The following ABCA1 variants were observed in gnomAD, a reference collection of about 807,000 sequenced individuals.
ABCA1 encodes phospholipid-transporting ATPase ABCA1.
ABCA1 carries 133 observed loss-of-function variants against 262.5 expected under a neutral mutation model. That is an observed-to-expected ratio of 0.51 (90% CI 0.44 to 0.59). The LOEUF (loss-of-function observed/expected upper bound fraction) is 0.59, where lower values mean the gene tolerates loss of function less well. Among genes scored for constraint, ABCA1 ranks in the 20% least tolerant of loss-of-function variants. The probability of loss-of-function intolerance (pLI) is 0.00; values close to 1 mark genes in which losing one functional copy is unlikely to be tolerated. For synonymous variants in ABCA1, 1,022 were observed against 1,043.5 expected (o/e 0.98, Z 0.40); for missense variants, 2,452 against 2,777.5 (o/e 0.88, Z 2.63).
In ABCA1 at chr9:104,928,051, T is replaced by G. The variant is rs1430615648; in HGVS notation, c.-209A>C. Reference sequence around the variant, plus strand: ...GGAGCAAAGCGCCCTGAGAACCGGCTCTGTTGGTGCGCGGAGCTCCCCGCC... The same window carrying G: ...GGAGCAAAGCGCCCTGAGAACCGGCGCTGTTGGTGCGCGGAGCTCCCCGCC... On this transcript the variant is annotated 5_prime_UTR_variant, in exon 1 of 50. Coordinates refer to ENST00000374736, the MANE Select transcript of ABCA1 (RefSeq NM_005502.4). 6.6e-6 allele frequency: 1 copy of G among 152,044 alleles called. No homozygotes were observed. Among genetic ancestry groups the G allele is most frequent in the East Asian group, 1.9e-4 (1 of 5,170 alleles). The allele number at this position is 152,044 out of a possible 1,614,324, so 9.4% of individuals were successfully genotyped here.
At chr9:104,842,788 G>C (rs1834500045) in intron 8 of ABCA1, among the ~76,000 whole-genome samples, 1 of 152,086 alleles carries the variant, frequency 6.6e-6, no homozygotes, top group Admixed American at 6.5e-5. Flanking sequence ...AGTGTAAACA[G>C]TCTAAACTCT....
chr9:104,836,390 G>C (rs749411555), intron 11 of ABCA1, among the ~76,000 whole-genome samples: 1 of 152,218 alleles, frequency 6.6e-6, no homozygotes, highest in Admixed American at 6.5e-5. Flanking sequence ...GCAGGAAGAT[G>C]TGATTAACAG....
chr9:104,790,321 AG>A (rs1829318705), intron 44 of ABCA1, among the ~76,000 whole-genome samples: 1 of 152,214 alleles, frequency 6.6e-6, no homozygotes, highest in African/African-American at 2.4e-5. Flanking sequence ...AGATGTATAC[AG>A]GGACATATTT....
At chr9:104,918,390 A>C (rs2118523280) in intron 1 of ABCA1, among the ~76,000 whole-genome samples, 1 of 152,326 alleles carries the variant, frequency 6.6e-6, no homozygotes, top group Admixed American at 6.5e-5. Context: ...CTTATAATCC[A>C]GGACAAAACT....
chr9:104,814,412 C>G lies in ABCA1; in HGVS notation c.3787+15G>C, dbSNP rs368693823. The G allele has an allele frequency of 1.9e-6, 3 of 1,613,828 alleles. No homozygotes were observed. The highest frequency in any genetic ancestry group is 2.5e-6 in the Non-Finnish European group (3 of 1,179,850). On this transcript the variant is annotated intron_variant, in intron 26 of 49. Transcript: ENST00000374736. ...GCACTATCTTAAGTGTGCCATTCTCCCTCAAGGCAGTTACCTGAGGTCTCA... is the reference window on the plus strand; with the variant it reads ...GCACTATCTTAAGTGTGCCATTCTCGCTCAAGGCAGTTACCTGAGGTCTCA...
At chr9:104,820,221 T>A in intron 20 of ABCA1, 152 bp from the exon 21 acceptor site, 1 of 1,043,014 alleles carries the variant, frequency 9.6e-7, no homozygotes, top group Non-Finnish European at 1.4e-6. Flanking sequence ...ATCTTCAAGA[T>A]TCAAGGTAGA....
chr9:104,885,446 G>T (rs1839081655), intron 3 of ABCA1, among the ~76,000 whole-genome samples: 1 of 151,718 alleles, frequency 6.6e-6, no homozygotes, highest in South Asian at 2.1e-4. Flanking sequence ...CACCTCCTCT[G>T]CCAGCTACAA....
intron 42 of ABCA1, among the ~76,000 whole-genome samples, chr9:104,792,280 C>CAT (rs1829492243): frequency 6.6e-6 from 1 of 152,138 alleles, no homozygotes; most frequent in Non-Finnish European, 1.5e-5. Flanking sequence ...ATCTATTCAA[C>CAT]ATATATATGT....
chr9:104,812,397 G>C (rs531389862), intron 28 of ABCA1, among the ~76,000 whole-genome samples, 177 bp downstream of exon 28: 2 of 152,304 alleles, frequency 1.3e-5, no homozygotes, highest in African/African-American at 4.8e-5. Context: ...TTGAGGCATA[G>C]AGAAGTAACT....
chr9:104,817,785 AT>A lies in ABCA1; in HGVS notation c.3463-382del, dbSNP rs1202385679. Among the ~76,000 whole-genome samples, 3 of 152,226 alleles carry A rather than the reference AT, an allele frequency of 2.0e-5. No individual in the cohort carries two copies. The highest frequency in any genetic ancestry group is 4.8e-5 in the African/African-American group (2 of 41,460). ...TCAAGAACCTTGTTAAAATGCACAG[AT>A]TCTGATTCGGTAGGTCTGAGCTGGG... On this transcript the variant is annotated intron_variant, in intron 23 of 49. Transcript: ENST00000374736. The surrounding 1 kb of genome is among the most constrained non-coding windows in gnomAD (Gnocchi z 4.7).
At chr9:104,825,594 G>T (rs1832746343) in intron 17 of ABCA1, 89 bp downstream of exon 17, 1 of 1,362,652 alleles carries the variant, frequency 7.3e-7, no homozygotes, top group South Asian at 1.2e-5. Flanking sequence ...CACTTCCCAG[G>T]GAAGCCCATG....
chr9:104,839,950 G>T (rs151032318), intron 9 of ABCA1, among the ~76,000 whole-genome samples: 332 of 152,324 alleles, frequency 2.2e-3, no homozygotes, highest in Non-Finnish European at 4.0e-3. Flanking sequence ...GATCTTGCAG[G>T]ATTTGTCCTT....
intron 19 of ABCA1, 92 bp downstream of exon 19, chr9:104,822,404 G>C (rs937932222): frequency 3.9e-6 from 6 of 1,536,306 alleles, no homozygotes; most frequent in Non-Finnish European, 5.4e-6. Context: ...CCTTGGCCCA[G>C]GGATCAGCAT....
rs577928087 is a variant in ABCA1 at position 104,788,681 on chromosome 9, A to C, written c.5928-114T>G. On this transcript the variant is annotated intron_variant, in intron 44 of 49. Transcript: ENST00000374736. The stretch of plus-strand genomic sequence containing the variant: ...TTCTCCATTACAAAGATACCAATAC[A>C]TCTGCTGCTACTTGAAAGCACAGCC... The C allele has an allele frequency of 1.6e-4, 212 of 1,290,806 alleles. 2 individuals carry two copies. In the South Asian group the frequency reaches 2.5e-3, roughly 15 times the overall value. 80.0% of individuals were successfully genotyped at this position (1,290,806 alleles called of 1,614,324 possible). A position where few individuals can be genotyped will look rare whatever the true frequency, so the allele number is the denominator to read the frequency against.
intron 5 of ABCA1, among the ~76,000 whole-genome samples, chr9:104,880,803 G>A (rs1838573768): frequency 6.6e-6 from 1 of 152,102 alleles, no homozygotes; most frequent in African/African-American, 2.4e-5. Context: ...GCACACTACT[G>A]TAGGGTTTTT....
chr9:104,882,891 G>C (rs893929865), intron 5 of ABCA1, 148 bp downstream of exon 5: 2 of 791,024 alleles, frequency 2.5e-6, no homozygotes, highest in Middle Eastern at 2.5e-4. Flanking sequence ...ATGCCTCCTG[G>C]AGAGGGGCCC....
intron 1 of ABCA1, among the ~76,000 whole-genome samples, chr9:104,913,772 C>T (rs550727713): frequency 6.7e-6 from 1 of 150,366 alleles, no homozygotes; most frequent in South Asian, 2.1e-4. Flanking sequence ...CACCTCCCTA[C>T]AAGTTTTTAT....
chr9:104,803,407 A>ATT, intron 32 of ABCA1, 91 bp from the exon 33 acceptor site: 2 of 1,286,990 alleles, frequency 1.6e-6, no homozygotes, highest in Non-Finnish European at 2.3e-6. Flanking sequence ...ACCTGAGGAT[A>ATT]TAAGGAACGG....
At chr9:104,904,005 C>T (rs1181182922) in intron 1 of ABCA1, among the ~76,000 whole-genome samples, 3 of 152,176 alleles carry the variant, frequency 2.0e-5, no homozygotes, top group Non-Finnish European at 1.5e-5. Context: ...TGGTCCTAAT[C>T]ATTTTAGTTC....
Sources: allele counts gnomAD v4.1 joint callset (sites outside exome capture counted in the v4.1 genomes callset), GRCh38; gene constraint gnomAD v4.1.1; non-coding constraint Gnocchi (gnomAD v3.1); transcripts MANE v1.5; gene names NCBI Gene and HGNC (gene_info 2026-07-23, HGNC 2026-07-21).